Variants in GNG4 observed in about 807,000 individuals in gnomAD.
The protein encoded by GNG4 is guanine nucleotide-binding protein G(I)/G(S)/G(O) subunit gamma-4.
Under a neutral mutation model 5.8 loss-of-function variants are expected in GNG4, and 4 were observed. The observed-to-expected ratio is 0.69, with a 90% CI of 0.34 to 1.57. The LOEUF (loss-of-function observed/expected upper bound fraction) is 1.57. Among genes scored for constraint, GNG4 ranks in the 40% most tolerant of loss-of-function variants. The pLI, the probability that GNG4 is intolerant of heterozygous loss-of-function variation, is 0.06. For synonymous variants in GNG4, 29 were observed against 32.9 expected (o/e 0.88, Z 0.41); for missense variants, 96 against 95.1 (o/e 1.01, Z -0.04).
At chr1:235,633,359 C>T (rs1406428751) in intron 1 of GNG4, among the ~76,000 whole-genome samples, 1 of 152,332 alleles carries the variant, frequency 6.6e-6, no homozygotes, top group Middle Eastern at 3.4e-3. Context: ...TGTGCCAGCA[C>T]CCCTTCACCT....
chr1:235,569,429 GCC>G (rs1687280766), intron 3 of GNG4, among the ~76,000 whole-genome samples: 1 of 147,906 alleles, frequency 6.8e-6, no homozygotes, highest in Non-Finnish European at 1.5e-5. Context: ...CTGCACTCCA[GCC>G]TGGGTGACAG....
chr1:235,645,535 C>T (rs558483552), intron 1 of GNG4, among the ~76,000 whole-genome samples: 1 of 152,180 alleles, frequency 6.6e-6, no homozygotes, highest in East Asian at 1.9e-4. Context: ...TGGTGGCTCA[C>T]ACCTGTAATC....
At chr1:235,557,789 G>A (rs933761729) in intron 3 of GNG4, among the ~76,000 whole-genome samples, 2 of 152,154 alleles carry the variant, frequency 1.3e-5, no homozygotes, top group African/African-American at 4.8e-5. Context: ...GGGGCTTCGG[G>A]GGACAGCTCA....
rs903528803 is a variant in GNG4 at position 235,642,285 on chromosome 1, C to G, written c.-123+7377G>C. 1.3e-5 allele frequency among the ~76,000 whole-genome samples: 2 copies of G among 152,186 alleles called. No individual in the cohort carries two copies. Among genetic ancestry groups the G allele is most frequent in the African/African-American group, 2.4e-5 (1 of 41,436 alleles). ...CGGTTACTGTGAAGCAGGGCCAAGG[C>G]CAGCCCTCCGCCTCGAGGCCACTGG... On this transcript the variant is annotated intron_variant, in intron 1 of 3. Transcript: ENST00000391854. This position sits in a 1 kb window ranked among gnomAD's most constrained non-coding sequence, Gnocchi z 4.3.
At chr1:235,592,268 G>A (rs1038548056) in intron 2 of GNG4, among the ~76,000 whole-genome samples, 15 of 152,164 alleles carry the variant, frequency 9.9e-5, no homozygotes, top group Non-Finnish European at 2.9e-5. Flanking sequence ...CACTTTGGGA[G>A]GCCGAGGCAG....
At chr1:235,646,371 C>G (rs1018992152) in intron 1 of GNG4, among the ~76,000 whole-genome samples, 1 of 152,220 alleles carries the variant, frequency 6.6e-6, no homozygotes, top group Non-Finnish European at 1.5e-5. Flanking sequence ...CCCACCAAAC[C>G]CGCTGCCAGA....
At chr1:235,622,410 G>A (rs1035016430) in intron 1 of GNG4, among the ~76,000 whole-genome samples, 1 of 152,122 alleles carries the variant, frequency 6.6e-6, no homozygotes. Context: ...AACTTTTGTG[G>A]TTCATAAAAA....
At chr1:235,625,926 GT>G (rs1688800118) in intron 1 of GNG4, among the ~76,000 whole-genome samples, 1 of 152,200 alleles carries the variant, frequency 6.6e-6, no homozygotes, top group Non-Finnish European at 1.5e-5. Flanking sequence ...GTGAACATAA[GT>G]TTTCAACCCA....
At chr1:235,616,259 G>T in intron 1 of GNG4, 1 of 491,516 alleles carries the variant, frequency 2.0e-6, no homozygotes, top group South Asian at 1.6e-5. Context: ...TATGTTCCCT[G>T]AGACGAATGA....
intron 1 of GNG4, among the ~76,000 whole-genome samples, chr1:235,645,245 C>T (rs192863390): frequency 1.3e-5 from 2 of 152,290 alleles, no homozygotes; most frequent in Non-Finnish European, 2.9e-5. Flanking sequence ...GGAGAAGAAC[C>T]TGCTCTCAGC....
At chr1:235,617,889 T>TAAAAAAAAAAAAAA (rs34128028) in intron 1 of GNG4, among the ~76,000 whole-genome samples, 1 of 109,724 alleles carries the variant, frequency 9.1e-6, no homozygotes. Flanking sequence ...TGCCTCTATC[T>TAAAAAAAAAAAAAA]AAAAAAAAAA....
At chr1:235,601,032 C>T (rs1471229242) in intron 1 of GNG4, among the ~76,000 whole-genome samples, 1 of 152,232 alleles carries the variant, frequency 6.6e-6, no homozygotes, top group African/African-American at 2.4e-5. Flanking sequence ...TTCCCCATGG[C>T]TGCTGCTGTT....
chr1:235,598,248 C>T (rs73120722), intron 1 of GNG4, among the ~76,000 whole-genome samples: 3,977 of 152,310 alleles, frequency 0.026, 168 homozygotes, highest in African/African-American at 0.086. Context: ...GATAAAACCA[C>T]TGCTCTATAG....
intron 1 of GNG4, among the ~76,000 whole-genome samples, chr1:235,599,609 C>T (rs1430211428): frequency 6.6e-6 from 1 of 152,178 alleles, no homozygotes; most frequent in Admixed American, 6.5e-5. Context: ...AGGCATTGCA[C>T]CCAGCCGAAT....
intron 3 of GNG4, among the ~76,000 whole-genome samples, chr1:235,565,067 C>T (rs1481367872): frequency 6.6e-6 from 1 of 152,306 alleles, no homozygotes; most frequent in Non-Finnish European, 1.5e-5. Flanking sequence ...GAAGTTATTT[C>T]GATTCAGTCA....
intron 1 of GNG4, among the ~76,000 whole-genome samples, chr1:235,641,061 A>G (rs1312245620): frequency 1.3e-5 from 2 of 152,216 alleles, no homozygotes; most frequent in African/African-American, 4.8e-5. Flanking sequence ...GGGGAAAGCC[A>G]CCTTATTCTG....
chr1:235,584,879 T>C (rs1013320398), intron 2 of GNG4, among the ~76,000 whole-genome samples: 2 of 152,240 alleles, frequency 1.3e-5, no homozygotes, highest in Non-Finnish European at 2.9e-5. Context: ...TTATTTCAGT[T>C]TTAGGTTTTT....
At chr1:235,555,796 C>G (rs1686887257) in intron 3 of GNG4, among the ~76,000 whole-genome samples, 1 of 151,988 alleles carries the variant, frequency 6.6e-6, no homozygotes, top group African/African-American at 2.4e-5. Flanking sequence ...ATGGCTAAAT[C>G]AAGCTAACTG....
chr1:235,582,295 C>T (rs898687450), intron 3 of GNG4, among the ~76,000 whole-genome samples: 7 of 152,226 alleles, frequency 4.6e-5, no homozygotes, highest in African/African-American at 2.4e-5. Context: ...GTGTGCATGG[C>T]GCCCTCCTCC....
Sources: allele counts gnomAD v4.1 joint callset (sites outside exome capture counted in the v4.1 genomes callset), GRCh38; gene constraint gnomAD v4.1.1; non-coding constraint Gnocchi (gnomAD v3.1); transcripts MANE v1.5; gene names NCBI Gene and HGNC (gene_info 2026-07-23, HGNC 2026-07-21).